The following PHF12 variants were observed in gnomAD, a reference collection of about 807,000 sequenced individuals.
PHF12 encodes PHD finger protein 12, also known as PHD factor 1.
In PHF12, 6 loss-of-function variants were observed where a neutral mutation model predicts 99.8. The observed-to-expected ratio is 0.06, with a 90% CI of 0.03 to 0.12. The LOEUF (loss-of-function observed/expected upper bound fraction) is 0.12. Ranked by LOEUF, PHF12 falls within the 10% of genes least tolerant of loss-of-function variation. PHF12 has a pLI of 1.00. For synonymous variants in PHF12, 480 were observed against 514.9 expected (o/e 0.93, Z 0.92); for missense variants, 954 against 1,300.1 (o/e 0.73, Z 4.09).
At chr17:28,929,892 G>A (rs1318574345) in intron 2 of PHF12, 2 of 152,196 alleles carry the variant, frequency 1.3e-5, no homozygotes, top group East Asian at 3.8e-4. Context: ...ATGCATGCAA[G>A]TAATTTTCAA....
rs772006770 is a variant in PHF12 at position 28,912,856 on chromosome 17, A to G, written c.1715T>C (p.Leu572Pro). ...PRRLPGANTPLPGLSHRQGWP... is the reference protein window; with the variant it reads ...PRRLPGANTPPPGLSHRQGWP... Reference sequence around the variant, plus strand: ...GCCTTGCCGGTGTGAGAGGCCTGGTAGTGGGGTGTTAGCGCCTGGAAGTCG... The same window carrying G: ...GCCTTGCCGGTGTGAGAGGCCTGGTGGTGGGGTGTTAGCGCCTGGAAGTCG... Residue 572 changes from leucine (L) to proline (P), a missense_variant, in exon 9 of 15, where the codon CTA becomes CCA. By Grantham distance (98) the Leu-to-Pro change is moderately conservative. Transcript: ENST00000332830. 1.9e-6 allele frequency: 3 copies of G among 1,610,474 alleles called. No homozygotes were observed. The South Asian group carries it at 3.3e-5, about 18-fold the overall frequency.
Position 28,906,689 on chromosome 17 carries a change from C to T in PHF12, c.2680+167G>A. ...TGAAGTCCCCACAGGTGTGTACACACATGGGGGTACTCAGCACTTGCTTCT... is the reference window on the plus strand; with the variant it reads ...TGAAGTCCCCACAGGTGTGTACACATATGGGGGTACTCAGCACTTGCTTCT... On this transcript the variant is annotated intron_variant, in intron 14 of 14. Transcript: ENST00000332830. The surrounding 1 kb of genome is among the most constrained non-coding windows in gnomAD (Gnocchi z 4.2). The T allele has an allele frequency of 1.4e-5, 17 of 1,218,328 alleles. No homozygotes were observed. The highest frequency in any genetic ancestry group is 1.7e-5 in the Non-Finnish European group (15 of 882,340). The allele number at this position is 1,218,328 out of a possible 1,614,324, so 75.5% of individuals were successfully genotyped here.
rs1490324475 is a variant in PHF12, at chr17:28,921,765, A to G, written c.759T>C (p.Asn253=). ...RRRKEETTGK[N]VKKTQHELDH... is the part of the protein sequence containing the mutation. ...CTAATTCATGCTGTGTCTTCTTAAC[A>G]TTTTTCCCTGTGGTTTCCTCCTTTC... The change falls in exon 5 of 15, where the codon AAT becomes AAC. Residue 253 remains asparagine (N), a synonymous_variant. Transcript: ENST00000332830. The G allele has an allele frequency of 6.2e-7, 1 of 1,614,068 alleles. No homozygotes were observed.
Position 28,908,896 on chromosome 17 carries a change from T to C in PHF12, c.2360-15A>G, listed in dbSNP as rs751415061. 1.2e-6 allele frequency: 2 copies of C among 1,602,964 alleles called. No individual in the cohort carries two copies. The highest frequency in any genetic ancestry group is 1.7e-6 in the Non-Finnish European group (2 of 1,171,030). On this transcript the variant is annotated splice_polypyrimidine_tract_variant and intron_variant, in intron 11 of 14. Coordinates refer to ENST00000332830, the MANE Select transcript of PHF12 (RefSeq NM_001033561.2). ...CTTTCTTTGCACTACAAGACAAACA[T>C]AGGAATAGGATCATTCAGAAACTCA...
intron 6 of PHF12, among the ~76,000 whole-genome samples, chr17:28,918,692 C>A (rs538609142): frequency 6.6e-6 from 1 of 152,310 alleles, no homozygotes. Context: ...TCTTTTCTAG[C>A]CTCAGTCTGG....
In PHF12 at chr17:28,913,998, G is replaced by T. The variant is rs771543541; in HGVS notation, c.1174C>A (p.Pro392Thr). 13 of 1,613,394 alleles carry T rather than the reference G, an allele frequency of 8.1e-6. No homozygotes were observed. The highest frequency in any genetic ancestry group is 9.3e-6 in the Non-Finnish European group (11 of 1,179,500). The change falls in exon 8 of 15, where the codon CCT becomes ACT. Residue 392 changes from proline (P) to threonine (T), a missense_variant. By Grantham distance (38) the Pro-to-Thr change is conservative. Around this residue, in one of 8 missense-constraint regions of PHF12, gnomAD observed 392 missense variants for 423.1 expected, o/e 0.93. Transcript: ENST00000332830. ...CGAATGGCCGCGGGTGCAATGAGAG[G>T]GGGTGGAAACTGGTACTGAGATTTT... is the stretch of plus-strand genomic sequence containing the variant. Reference protein sequence around the residue: ...AIKSQYQFPPPLIAPAAIRDG... With the variant: ...AIKSQYQFPPTLIAPAAIRDG...
intron 4 of PHF12, among the ~76,000 whole-genome samples, chr17:28,922,828 C>T (rs914818023): frequency 6.6e-6 from 1 of 152,074 alleles, no homozygotes; most frequent in Non-Finnish European, 1.5e-5. Context: ...TGCCTATAAT[C>T]CCAGCACTTT....
rs373729028 is a variant in PHF12, at chr17:28,906,806, C to T, written c.2680+50G>A. 38 of 1,555,394 alleles carry T rather than the reference C, an allele frequency of 2.4e-5. No individual in the cohort carries two copies. The highest frequency in any genetic ancestry group is 3.0e-5 in the Non-Finnish European group (34 of 1,147,930). On this transcript the variant is annotated intron_variant, in intron 14 of 14. Coordinates refer to ENST00000332830, the MANE Select transcript of PHF12 (RefSeq NM_001033561.2). The surrounding 1 kb of genome is among the most constrained non-coding windows in gnomAD (Gnocchi z 4.2). ...GACCATGGGCAGCAAGTCAGAACCA[C>T]CCTGACTGGGGCCTCAGCTTTGTGG...
rs757987259 is a variant in PHF12 at position 28,910,384 on chromosome 17, G to A, written c.2216-15C>T. The A allele has an allele frequency of 5.6e-6, 9 of 1,600,884 alleles. No homozygotes were observed. The East Asian group carries it at 1.3e-4, about 24-fold the overall frequency. ...TATCTCGATTTCTATTAGCCAAAGA[G>A]AAAGATTAAAAAGCAGCTGAGATGG... On this transcript the variant is annotated splice_polypyrimidine_tract_variant and intron_variant, in intron 10 of 14. Coordinates refer to ENST00000332830, the MANE Select transcript of PHF12 (RefSeq NM_001033561.2).
chr17:28,926,932 A>G, intron 3 of PHF12, 59 bp downstream of exon 3: 1 of 1,608,890 alleles, frequency 6.2e-7, no homozygotes, highest in Non-Finnish European at 8.5e-7. Flanking sequence ...TCTTAGCTCT[A>G]GCATATCAGT....
At chr17:28,941,948 G>A (rs1286634492) in intron 2 of PHF12, among the ~76,000 whole-genome samples, 1 of 152,162 alleles carries the variant, frequency 6.6e-6, no homozygotes, top group African/African-American at 2.4e-5. Context: ...AGTATGAGAA[G>A]TGCTCAAACA....
chr17:28,939,452 C>A (rs2040572823), intron 2 of PHF12, among the ~76,000 whole-genome samples: 1 of 152,146 alleles, frequency 6.6e-6, no homozygotes, highest in Non-Finnish European at 1.5e-5. Flanking sequence ...TGTATTCTGA[C>A]CAGTAATTGA....
intron 9 of PHF12, chr17:28,912,144 G>A: frequency 8.9e-7 from 1 of 1,121,578 alleles, no homozygotes; most frequent in Non-Finnish European, 1.1e-6. Context: ...AGAGCACCCT[G>A]CCTTCTTTTA....
chr17:28,922,590 T>G (rs2040186083), intron 4 of PHF12, among the ~76,000 whole-genome samples: 1 of 152,212 alleles, frequency 6.6e-6, no homozygotes, highest in Non-Finnish European at 1.5e-5. Context: ...GCAATTTTAT[T>G]GTCCTATAGA....
intron 3 of PHF12, chr17:28,926,729 G>A: frequency 7.3e-7 from 1 of 1,371,454 alleles, no homozygotes. Flanking sequence ...CAACAAGAAG[G>A]TAAGACTACT....
intron 2 of PHF12, among the ~76,000 whole-genome samples, chr17:28,945,918 G>A (rs1027952004): frequency 3.9e-5 from 6 of 152,140 alleles, no homozygotes; most frequent in African/African-American, 1.4e-4. Context: ...GGTGGATCAT[G>A]AGGTCAGGAG....
chr17:28,907,471 A>C, intron 13 of PHF12, 119 bp downstream of exon 13: 2 of 919,024 alleles, frequency 2.2e-6, no homozygotes, highest in Non-Finnish European at 3.3e-6. Context: ...CAGGGAGGGA[A>C]GAAAAAGAGA....
chr17:28,908,930 G>A, intron 11 of PHF12, 49 bp from the exon 12 acceptor site: 2 of 1,536,678 alleles, frequency 1.3e-6, no homozygotes, highest in Non-Finnish European at 1.8e-6. Context: ...CAGATCCTGT[G>A]ATCCAAACAT....
Position 28,913,131 on chromosome 17 carries a change from C to A in PHF12, c.1440G>T (p.Leu480=), listed in dbSNP as rs2039997147. Reference sequence around the variant, plus strand: ...GTGTAGGTGTCTTGTCAGCTGTTTGCAGGGAGGTGGTGACTGAGCTGTCAG... The same window carrying A: ...GTGTAGGTGTCTTGTCAGCTGTTTGAAGGGAGGTGGTGACTGAGCTGTCAG... ...IVTDSSVTTS[L]QTADKTPTPS... Residue 480 remains leucine, a synonymous_variant, in exon 9 of 15, where the codon CTG becomes CTT. Coordinates refer to ENST00000332830, the MANE Select transcript of PHF12 (RefSeq NM_001033561.2). 1 of 1,614,030 alleles carries A rather than the reference C, an allele frequency of 6.2e-7. No homozygotes were observed. Among genetic ancestry groups the A allele is most frequent in the Admixed American group, 1.7e-5 (1 of 59,992 alleles).
Sources: gnomAD v4.1 joint callset for allele counts (sites outside exome capture counted in the v4.1 genomes callset) on GRCh38, gnomAD v4.1.1 for gene constraint, gnomAD v4.1.1 regional missense constraint, Gnocchi (gnomAD v3.1) non-coding constraint, MANE v1.5 for transcripts, NCBI Gene and HGNC (gene_info 2026-07-23, HGNC 2026-07-21) for gene names.